FSTL5: variants seen among roughly 807,000 people sequenced by gnomAD.
FSTL5 encodes the protein follistatin like 5, also known as follistatin-related protein 5.
A neutral mutation model predicts 89.1 loss-of-function variants in FSTL5; 62 were observed. That is an observed-to-expected ratio of 0.70 (90% CI 0.57 to 0.86). The LOEUF is 0.86. Among genes scored for constraint, FSTL5 ranks in the 40% least tolerant of loss-of-function variants. The pLI is 0.00. For missense variants in FSTL5, 1,057 were observed against 1,001.6 expected, an observed-to-expected ratio of 1.06 and a Z score of -0.75; for synonymous variants, 383 against 346.2, an observed-to-expected ratio of 1.11 and a Z score of -1.18.
At chr4:161,711,020 C>T (rs2126739645) in intron 6 of FSTL5, among the ~76,000 whole-genome samples, 1 of 152,160 alleles carries the variant, frequency 6.6e-6, no homozygotes, top group South Asian at 2.1e-4. Context: ...GCATATCAAA[C>T]TTATAAGATG....
intron 4 of FSTL5, among the ~76,000 whole-genome samples, chr4:161,795,324 A>C (rs1729601841): frequency 6.6e-6 from 1 of 152,154 alleles, no homozygotes; most frequent in South Asian, 2.1e-4. Context: ...AAATGGCACT[A>C]AATTATCTGT....
intron 2 of FSTL5, among the ~76,000 whole-genome samples, chr4:162,058,141 G>T (rs951286647): frequency 1.3e-5 from 2 of 152,152 alleles, no homozygotes; most frequent in African/African-American, 4.8e-5. Context: ...TGGTTATAAG[G>T]GTGAGTGTGG....
intron 3 of FSTL5, among the ~76,000 whole-genome samples, chr4:161,944,302 C>T (rs1734676474): frequency 6.6e-6 from 1 of 151,744 alleles, no homozygotes; most frequent in Admixed American, 6.6e-5. Context: ...CTGTGTTGGC[C>T]TCAGATTCAT....
intron 1 of FSTL5, among the ~76,000 whole-genome samples, chr4:162,114,516 C>A (rs550197598): frequency 7.2e-6 from 1 of 138,110 alleles, no homozygotes. Flanking sequence ...CCCTCTCTTT[C>A]TCTTTGTGTG....
intron 2 of FSTL5, among the ~76,000 whole-genome samples, chr4:162,103,233 T>C (rs969652240): frequency 1.3e-5 from 2 of 152,168 alleles, no homozygotes; most frequent in Non-Finnish European, 2.9e-5. Flanking sequence ...GGAAATAAAG[T>C]TTTTTTGAAG....
intron 8 of FSTL5, among the ~76,000 whole-genome samples, chr4:161,564,259 A>G (rs1156289204): frequency 1.3e-5 from 2 of 151,138 alleles, no homozygotes; most frequent in Non-Finnish European, 3.0e-5. Context: ...GCAAGTACAC[A>G]CACAAACATT....
At chr4:161,432,154 C>G (rs935597253) in intron 15 of FSTL5, among the ~76,000 whole-genome samples, 27 of 152,002 alleles carry the variant, frequency 1.8e-4, no homozygotes, top group African/African-American at 6.0e-4. Flanking sequence ...CTTCAGAATA[C>G]ACATTTTTCT....
chr4:161,695,329 T>G (rs1738104423), intron 6 of FSTL5, among the ~76,000 whole-genome samples: 1 of 152,216 alleles, frequency 6.6e-6, no homozygotes, highest in African/African-American at 2.4e-5. Context: ...ATTCCTGAGT[T>G]ACTTCACTTA....
intron 4 of FSTL5, among the ~76,000 whole-genome samples, chr4:161,905,076 T>C (rs543188178): frequency 1.3e-5 from 2 of 152,064 alleles, no homozygotes; most frequent in Non-Finnish European, 2.9e-5. Flanking sequence ...ACAACTATCA[T>C]ATAAATGGGC....
intron 3 of FSTL5, among the ~76,000 whole-genome samples, chr4:161,949,996 G>C (rs954029924): frequency 1.3e-5 from 2 of 151,852 alleles, no homozygotes; most frequent in African/African-American, 4.8e-5. Flanking sequence ...TGACTCATTT[G>C]TATGTCTCAA....
intron 12 of FSTL5, among the ~76,000 whole-genome samples, chr4:161,485,372 C>A (rs187774274): frequency 2.6e-5 from 4 of 152,310 alleles, no homozygotes; most frequent in African/African-American, 9.6e-5. Flanking sequence ...GAAAACTCAT[C>A]CATTCTGATT....
intron 1 of FSTL5, among the ~76,000 whole-genome samples, chr4:162,145,263 C>G (rs1442882819): frequency 2.6e-5 from 4 of 151,852 alleles, no homozygotes; most frequent in Non-Finnish European, 5.9e-5. Context: ...ACATGATGAG[C>G]TTTAGGAAAT....
chr4:161,611,724 G>A (rs1355024144), intron 7 of FSTL5, among the ~76,000 whole-genome samples: 1 of 152,124 alleles, frequency 6.6e-6, no homozygotes, highest in African/African-American at 2.4e-5. Flanking sequence ...GGGTAGGAAT[G>A]TTACCTTAGA....
chr4:161,564,543 T>G (rs1732732847), intron 8 of FSTL5, among the ~76,000 whole-genome samples: 1 of 151,332 alleles, frequency 6.6e-6, no homozygotes, highest in African/African-American at 2.4e-5. Context: ...TTTTTATTCC[T>G]AAAAATTTGC....
At chr4:162,094,422 C>T (rs1730668562) in intron 2 of FSTL5, among the ~76,000 whole-genome samples, 1 of 152,062 alleles carries the variant, frequency 6.6e-6, no homozygotes, top group East Asian at 1.9e-4. Context: ...CAACAGAAGG[C>T]ATACACGAGA....
intron 15 of FSTL5, among the ~76,000 whole-genome samples, chr4:161,406,242 A>C: frequency 6.6e-6 from 1 of 151,846 alleles, no homozygotes; most frequent in Admixed American, 6.6e-5. Flanking sequence ...GCCTCAAAGT[A>C]TTTTCAAACT....
intron 4 of FSTL5, among the ~76,000 whole-genome samples, chr4:161,845,261 G>GT (rs1421217652): frequency 7.9e-5 from 12 of 151,916 alleles, no homozygotes; most frequent in Middle Eastern, 3.4e-3. Context: ...AAACATTGTT[G>GT]TTTTTTTTGT....
chr4:161,967,736 T>C (rs948859145), intron 3 of FSTL5, among the ~76,000 whole-genome samples: 6 of 152,104 alleles, frequency 3.9e-5, no homozygotes, highest in African/African-American at 1.4e-4. Flanking sequence ...TCATTTATCA[T>C]TGATATTAGT....
At chr4:161,763,645 G>A (rs1292135651) in intron 5 of FSTL5, among the ~76,000 whole-genome samples, 2 of 152,084 alleles carry the variant, frequency 1.3e-5, no homozygotes, top group Non-Finnish European at 2.9e-5. Context: ...ATAGAGTAAC[G>A]TACCATTCAT....
Sources: allele counts gnomAD v4.1 joint callset (sites outside exome capture counted in the v4.1 genomes callset), GRCh38; gene constraint gnomAD v4.1.1; transcripts MANE v1.5; gene names NCBI Gene and HGNC (gene_info 2026-07-23, HGNC 2026-07-21).